CPQ: variants seen among roughly 807,000 people sequenced by gnomAD.
CPQ encodes the protein Ser-Met dipeptidase.
CPQ carries 37 observed loss-of-function variants against 45.7 expected under a neutral mutation model. The ratio of observed to expected loss-of-function variants is 0.81; its 90% confidence interval spans 0.62 to 1.07. The LOEUF is 1.07. Ranked by LOEUF, CPQ falls within the 50% of genes least tolerant of loss-of-function variation. The pLI is 0.00. For synonymous variants in CPQ, 186 were observed against 205.8 expected (o/e 0.90, Z 0.82); for missense variants, 537 against 572.9 (o/e 0.94, Z 0.64).
chr8:97,062,631 C>T (rs1810570323), intron 6 of CPQ, among the ~76,000 whole-genome samples: 1 of 152,062 alleles, frequency 6.6e-6, no homozygotes, highest in Admixed American at 6.6e-5. Flanking sequence ...CTTCCACCAT[C>T]CACCCTCTGG....
At chr8:97,098,990 G>C (rs1401425534) in intron 7 of CPQ, among the ~76,000 whole-genome samples, 3 of 151,748 alleles carry the variant, frequency 2.0e-5, no homozygotes, top group Non-Finnish European at 2.9e-5. Flanking sequence ...ACTTAGGCCT[G>C]TTAAATAAAA....
intron 1 of CPQ, among the ~76,000 whole-genome samples, chr8:96,727,105 G>T (rs1017863334): frequency 1.3e-5 from 2 of 152,086 alleles, no homozygotes; most frequent in Non-Finnish European, 2.9e-5. Context: ...ATCTCTTTTT[G>T]TACATGTGCA....
intron 1 of CPQ, among the ~76,000 whole-genome samples, chr8:96,647,151 T>C (rs1356606687): frequency 6.6e-6 from 1 of 152,230 alleles, no homozygotes; most frequent in East Asian, 1.9e-4. Context: ...ACTTCAAAAG[T>C]CATTATACAT....
intron 1 of CPQ, among the ~76,000 whole-genome samples, chr8:96,770,568 G>A (rs2130797961): frequency 6.6e-6 from 1 of 151,964 alleles, no homozygotes; most frequent in African/African-American, 2.4e-5. Flanking sequence ...GTGAATTCTA[G>A]TCCAATATGG....
intron 4 of CPQ, among the ~76,000 whole-genome samples, chr8:96,940,976 A>C (rs1813117481): frequency 6.6e-6 from 1 of 152,148 alleles, no homozygotes; most frequent in Admixed American, 6.6e-5. Flanking sequence ...AGCTCCTTAA[A>C]ATGAGCCAGC....
intron 2 of CPQ, among the ~76,000 whole-genome samples, chr8:96,819,770 A>G (rs1811276777): frequency 6.6e-6 from 1 of 152,016 alleles, no homozygotes; most frequent in South Asian, 2.1e-4. Flanking sequence ...CTTTCACAGG[A>G]CCACTTCCAC....
chr8:96,999,291 G>C (rs1440854250), intron 5 of CPQ, among the ~76,000 whole-genome samples: 7 of 149,592 alleles, frequency 4.7e-5, no homozygotes, highest in Admixed American at 3.3e-4. Context: ...TGTTACCTAA[G>C]TAAACCTCTG....
At chr8:96,937,732 C>G (rs1336274601) in intron 4 of CPQ, among the ~76,000 whole-genome samples, 1 of 152,174 alleles carries the variant, frequency 6.6e-6, no homozygotes, top group African/African-American at 2.4e-5. Flanking sequence ...TTTTAGGAAG[C>G]CTCTGTCGAG....
At chr8:96,945,676 A>G (rs1813179919) in intron 4 of CPQ, among the ~76,000 whole-genome samples, 1 of 151,810 alleles carries the variant, frequency 6.6e-6, no homozygotes, top group Non-Finnish European at 1.5e-5. Context: ...GAATTACAAC[A>G]TATTTCTATA....
At chr8:96,830,493 A>C (rs1811441285) in intron 2 of CPQ, among the ~76,000 whole-genome samples, 1 of 152,066 alleles carries the variant, frequency 6.6e-6, no homozygotes, top group African/African-American at 2.4e-5. Context: ...AAAAAAATTG[A>C]TCGGTTTTGA....
chr8:97,094,643 C>T (rs1443024678), intron 7 of CPQ, among the ~76,000 whole-genome samples: 1 of 152,158 alleles, frequency 6.6e-6, no homozygotes, highest in Non-Finnish European at 1.5e-5. Flanking sequence ...CGGTCCCCCT[C>T]TATGCCCTCA....
At chr8:96,676,727 T>C (rs1232543274) in intron 1 of CPQ, among the ~76,000 whole-genome samples, 2 of 152,104 alleles carry the variant, frequency 1.3e-5, no homozygotes, top group Non-Finnish European at 2.9e-5. Context: ...TTTGGCTACA[T>C]GGATAGGCTG....
chr8:96,903,272 T>A (rs1812535667), intron 4 of CPQ, among the ~76,000 whole-genome samples: 1 of 152,160 alleles, frequency 6.6e-6, no homozygotes, highest in Non-Finnish European at 1.5e-5. Flanking sequence ...AGAAAATGGG[T>A]CTGGACTAAA....
chr8:97,100,782 A>C (rs1410111124), intron 7 of CPQ, among the ~76,000 whole-genome samples: 1 of 152,148 alleles, frequency 6.6e-6, no homozygotes, highest in African/African-American at 2.4e-5. Flanking sequence ...TCTTAGTGGG[A>C]AAATAGCTCA....
At chr8:97,139,528 A>T (rs1812118796) in intron 7 of CPQ, among the ~76,000 whole-genome samples, 1 of 152,172 alleles carries the variant, frequency 6.6e-6, no homozygotes, top group Non-Finnish European at 1.5e-5. Flanking sequence ...AAATTCAAAG[A>T]ATCTATATCA....
At chr8:96,718,980 G>T (rs1809725521) in intron 1 of CPQ, among the ~76,000 whole-genome samples, 2 of 152,236 alleles carry the variant, frequency 1.3e-5, no homozygotes, top group South Asian at 4.1e-4. Flanking sequence ...AGACATAAAG[G>T]TTCTCCATGT....
At chr8:96,854,559 A>AAAAAAAAAAAAAAAAAAAAG (rs71267283) in intron 3 of CPQ, among the ~76,000 whole-genome samples, 1 of 134,744 alleles carries the variant, frequency 7.4e-6, no homozygotes, top group African/African-American at 2.8e-5. Context: ...AAAAAAAAAA[A>AAAAAAAAAAAAAAAAAAAAG]TGTGGTGGAA....
chr8:96,771,091 T>TTA (rs539315302), intron 1 of CPQ, among the ~76,000 whole-genome samples: 22 of 144,098 alleles, frequency 1.5e-4, no homozygotes, highest in African/African-American at 5.1e-4. Context: ...TATATATATA[T>TTA]TATATATATA....
chr8:96,956,259 C>G (rs1586466058), intron 4 of CPQ, among the ~76,000 whole-genome samples: 1 of 152,264 alleles, frequency 6.6e-6, no homozygotes, highest in African/African-American at 2.4e-5. Flanking sequence ...AACATTCAAG[C>G]TCCCCCTACT....
Sources: allele counts gnomAD v4.1 joint callset (sites outside exome capture counted in the v4.1 genomes callset), GRCh38; gene constraint gnomAD v4.1.1; transcripts MANE v1.5; gene names NCBI Gene and HGNC (gene_info 2026-07-23, HGNC 2026-07-21).